Variants in CSNK1G3 observed in about 807,000 individuals in gnomAD.
The protein encoded by CSNK1G3 is casein kinase 1 gamma 3.
A neutral mutation model predicts 64.3 loss-of-function variants in CSNK1G3; 23 were observed. The observed-to-expected ratio is 0.36, with a 90% CI of 0.26 to 0.51. The LOEUF (loss-of-function observed/expected upper bound fraction) is 0.51, where lower values mean the gene tolerates loss of function less well. Ranked by LOEUF, CSNK1G3 falls within the 20% of genes least tolerant of loss-of-function variation. The pLI is 0.96. For missense variants in CSNK1G3, 357 were observed against 510.5 expected (o/e 0.70, Z 2.90); for synonymous variants, 158 against 162.2 (o/e 0.97, Z 0.20).
intron 10 of CSNK1G3, among the ~76,000 whole-genome samples, chr5:123,597,839 T>C (rs550149747): frequency 3.3e-5 from 5 of 152,290 alleles, no homozygotes; most frequent in African/African-American, 1.2e-4. Context: ...CTCTACCTTA[T>C]GGTTTTGTTA....
chr5:123,529,243 A>G (rs970051228), intron 1 of CSNK1G3, among the ~76,000 whole-genome samples: 1 of 152,212 alleles, frequency 6.6e-6, no homozygotes, highest in African/African-American at 2.4e-5. Context: ...CAAAAAACAA[A>G]GTTACGTATT....
chr5:123,579,726 T>C (rs1387391336), intron 6 of CSNK1G3, among the ~76,000 whole-genome samples: 3 of 151,964 alleles, frequency 2.0e-5, no homozygotes, highest in Admixed American at 6.6e-5. Context: ...GGAAGTGAGA[T>C]TGAACTATTA....
intron 5 of CSNK1G3, among the ~76,000 whole-genome samples, chr5:123,573,997 A>T (rs1285937494): frequency 6.6e-6 from 1 of 152,022 alleles, no homozygotes; most frequent in East Asian, 1.9e-4. Context: ...CAACAGGTGC[A>T]TGCCACTACG....
chr5:123,516,826 T>G (rs572874281), intron 1 of CSNK1G3, among the ~76,000 whole-genome samples: 42 of 152,366 alleles, frequency 2.8e-4, no homozygotes, highest in Admixed American at 1.2e-3. Context: ...TTTAATGTTT[T>G]TTTTCTCTAG....
intron 10 of CSNK1G3, among the ~76,000 whole-genome samples, chr5:123,602,887 A>G (rs1794732291): frequency 6.6e-6 from 1 of 152,104 alleles, no homozygotes; most frequent in South Asian, 2.1e-4. Context: ...TGCTTTATAT[A>G]TTAACATTTA....
At chr5:123,548,731 T>A (rs550364059) in intron 2 of CSNK1G3, among the ~76,000 whole-genome samples, 1 of 150,344 alleles carries the variant, frequency 6.7e-6, no homozygotes, top group African/African-American at 2.4e-5. Flanking sequence ...TATAGTGAGA[T>A]CCTGTCTGTA....
chr5:123,603,173 T>TA (rs2151133848), intron 10 of CSNK1G3, among the ~76,000 whole-genome samples: 1 of 152,222 alleles, frequency 6.6e-6, no homozygotes, highest in South Asian at 2.1e-4. Context: ...AGATAACTCT[T>TA]ATTAGAGTTC....
intron 3 of CSNK1G3, among the ~76,000 whole-genome samples, chr5:123,556,894 C>T (rs1784746318): frequency 6.6e-6 from 1 of 151,782 alleles, no homozygotes; most frequent in Non-Finnish European, 1.5e-5. Context: ...AATCCAGCAA[C>T]AGGCAAAACT....
chr5:123,514,062 A>C (rs911107216), intron 1 of CSNK1G3, among the ~76,000 whole-genome samples: 1 of 152,242 alleles, frequency 6.6e-6, no homozygotes, highest in Non-Finnish European at 1.5e-5. Flanking sequence ...TATCAAATAC[A>C]TTGTGTGGCT....
chr5:123,597,036 T>G (rs1342296122), intron 10 of CSNK1G3, among the ~76,000 whole-genome samples: 1 of 100,500 alleles, frequency 1.0e-5, no homozygotes, highest in African/African-American at 4.5e-5. Flanking sequence ...CAAAGAAAAG[T>G]ACCTAAAATT....
chr5:123,593,376 A>G (rs1387572475), intron 10 of CSNK1G3, among the ~76,000 whole-genome samples: 1 of 152,200 alleles, frequency 6.6e-6, no homozygotes, highest in East Asian at 1.9e-4. Context: ...CTTAAGTTCT[A>G]CAAGAAACCC....
chr5:123,606,379 C>A (rs1486405801), intron 12 of CSNK1G3, among the ~76,000 whole-genome samples: 1 of 151,998 alleles, frequency 6.6e-6, no homozygotes, highest in Non-Finnish European at 1.5e-5. Context: ...AGGTACAATC[C>A]TAAGACAGGA....
chr5:123,561,450 G>A (rs1238232035), intron 4 of CSNK1G3, among the ~76,000 whole-genome samples: 1 of 152,200 alleles, frequency 6.6e-6, no homozygotes, highest in Non-Finnish European at 1.5e-5. Flanking sequence ...AGTTGTGAAA[G>A]CAGTAGCTTA....
At chr5:123,575,324 G>A (rs899571301) in intron 5 of CSNK1G3, among the ~76,000 whole-genome samples, 1 of 152,156 alleles carries the variant, frequency 6.6e-6, no homozygotes, top group Non-Finnish European at 1.5e-5. Flanking sequence ...TAATATACTT[G>A]TAAAAGTTGC....
At chr5:123,610,847 G>A (rs772633862) in intron 12 of CSNK1G3, among the ~76,000 whole-genome samples, 10 of 152,098 alleles carry the variant, frequency 6.6e-5, no homozygotes, top group Middle Eastern at 3.2e-3. Context: ...CCAGCTCGGC[G>A]CCTGTAGTCC....
At chr5:123,561,156 G>A (rs1014478000) in intron 4 of CSNK1G3, among the ~76,000 whole-genome samples, 20 of 151,962 alleles carry the variant, frequency 1.3e-4, no homozygotes, top group Admixed American at 1.1e-3. Context: ...ACATTATTTA[G>A]CTTTGCATAG....
intron 4 of CSNK1G3, among the ~76,000 whole-genome samples, chr5:123,562,131 C>T (rs181639630): frequency 2.0e-5 from 3 of 152,156 alleles, no homozygotes; most frequent in East Asian, 1.9e-4. Context: ...ACTATTTTCA[C>T]GTCTGTATTC....
chr5:123,605,769 C>T (rs1178339931), intron 12 of CSNK1G3, among the ~76,000 whole-genome samples: 2 of 152,080 alleles, frequency 1.3e-5, no homozygotes, highest in African/African-American at 4.8e-5. Context: ...AGTAGTATCA[C>T]TAAAACAGTA....
At chr5:123,545,923 T>C in intron 2 of CSNK1G3, 82 bp downstream of exon 2, 1 of 1,153,404 alleles carries the variant, frequency 8.7e-7, no homozygotes, top group Non-Finnish European at 1.3e-6. Flanking sequence ...GATTTAGTTA[T>C]TTAATTGTTT....
Sources: allele counts gnomAD v4.1 joint callset (sites outside exome capture counted in the v4.1 genomes callset), GRCh38; gene constraint gnomAD v4.1.1; transcripts MANE v1.5; gene names NCBI Gene and HGNC (gene_info 2026-07-23, HGNC 2026-07-21).